ZNF44: variants seen among roughly 807,000 people sequenced by gnomAD.
The protein encoded by ZNF44 is gonadotropin inducible transcription repressor-2.
A neutral mutation model predicts 11.7 loss-of-function variants in ZNF44; 9 were observed. That is an observed-to-expected ratio of 0.77 (90% CI 0.46 to 1.35). The LOEUF (loss-of-function observed/expected upper bound fraction) is 1.35, where lower values mean the gene tolerates loss of function less well. Among genes scored for constraint, ZNF44 ranks in the 40% most tolerant of loss-of-function variants. ZNF44 has a pLI of 0.00. For synonymous variants in ZNF44, 224 were observed against 242.7 expected (o/e 0.92, Z 0.72); for missense variants, 696 against 743.1 (o/e 0.94, Z 0.74).
At chr19:12,250,452 G>A (rs1916944557) in intron 5 of ZNF44, 13 of 1,137,244 alleles carry the variant, frequency 1.1e-5, no homozygotes, top group East Asian at 5.0e-5. Context: ...AGATGTTCAC[G>A]ATGATTCTGT....
intron 1 of ZNF44, chr19:12,293,172 G>C: frequency 6.6e-7 from 1 of 1,509,716 alleles, no homozygotes; most frequent in Non-Finnish European, 8.9e-7. Flanking sequence ...GCCCAGCCCA[G>C]GGGTTAGCTT....
intron 3 of ZNF44, among the ~76,000 whole-genome samples, chr19:12,229,617 AT>A (rs112086092): frequency 0.22 from 32,719 of 145,668 alleles, 5,012 homozygotes; most frequent in African/African-American, 0.45. Flanking sequence ...GAAGAAAGAT[AT>A]TTTTTTTTTT....
chr19:12,293,557 A>T (rs1968107459), intron 1 of ZNF44, among the ~76,000 whole-genome samples: 1 of 152,160 alleles, frequency 6.6e-6, no homozygotes, highest in South Asian at 2.1e-4. Flanking sequence ...AAATCTGTTT[A>T]AAAAGAGCCA....
At chr19:12,228,480 G>T (rs1172004176) in intron 3 of ZNF44, among the ~76,000 whole-genome samples, 3 of 152,152 alleles carry the variant, frequency 2.0e-5, no homozygotes, top group Admixed American at 2.0e-4. Context: ...AGTTGTACAG[G>T]TAAGAGTTAT....
chr19:12,250,247 G>C, exon 6 of ZNF44: 5 of 1,360,804 alleles, frequency 3.7e-6, no homozygotes, highest in Non-Finnish European at 4.9e-6. Context: ...TTTACCTATA[G>C]TGGCCAGGTT....
At chr19:12,261,863 TTGTG>T (rs1285487953) in intron 5 of ZNF44, among the ~76,000 whole-genome samples, 2 of 152,150 alleles carry the variant, frequency 1.3e-5, no homozygotes, top group African/African-American at 2.4e-5. Context: ...TTTTAAACCT[TTGTG>T]TGTATTTTAA....
intron 1 of ZNF44, chr19:12,285,071 G>A (rs2145755841): frequency 1.5e-6 from 1 of 671,404 alleles, no homozygotes; most frequent in Non-Finnish European, 2.7e-6. Context: ...CTGACCTCTG[G>A]AAGGAGACTG....
intron 5 of ZNF44, among the ~76,000 whole-genome samples, chr19:12,259,745 T>C (rs1302804561): frequency 6.6e-6 from 1 of 152,160 alleles, no homozygotes; most frequent in Middle Eastern, 3.2e-3. Flanking sequence ...CAGGTTTAAG[T>C]CAGGTTTGAA....
At chr19:12,236,167 T>C (rs1916379795) in intron 1 of ZNF44, among the ~76,000 whole-genome samples, 2 of 152,178 alleles carry the variant, frequency 1.3e-5, no homozygotes, top group African/African-American at 2.4e-5. Flanking sequence ...GGGGAAGGAA[T>C]TGGAAATTTA....
chr19:12,240,357 A>C (rs553043352), upstream of ZNF44, among the ~76,000 whole-genome samples: 1 of 151,582 alleles, frequency 6.6e-6, no homozygotes, highest in South Asian at 2.1e-4. Context: ...AGGCAGGAGA[A>C]TTACTTGAAC....
exon 8 of ZNF44, chr19:12,248,000 G>C: frequency 7.5e-7 from 1 of 1,341,442 alleles, no homozygotes; most frequent in Non-Finnish European, 9.9e-7. Context: ...TGTGATATAC[G>C]AACACTTTCC....
chr19:12,258,160 C>CAAAA (rs770370872), intron 5 of ZNF44, among the ~76,000 whole-genome samples: 39 of 55,842 alleles, frequency 7.0e-4, no homozygotes, highest in Non-Finnish European at 9.2e-4. Context: ...CTCATCTCTA[C>CAAAA]AAAAAAAAAA....
intron 5 of ZNF44, among the ~76,000 whole-genome samples, chr19:12,265,164 A>G (rs966197653): frequency 6.6e-6 from 1 of 152,072 alleles, no homozygotes; most frequent in African/African-American, 2.4e-5. Context: ...CATGCCCGTA[A>G]TCCCAACATT....
intron 5 of ZNF44, among the ~76,000 whole-genome samples, chr19:12,252,869 T>G (rs1054487441): frequency 6.9e-6 from 1 of 144,418 alleles, no homozygotes. Context: ...ATATGTTGCC[T>G]ACAAGAAACT....
chr19:12,253,678 A>G (rs1008404151), intron 5 of ZNF44, among the ~76,000 whole-genome samples: 7 of 150,892 alleles, frequency 4.6e-5, no homozygotes, highest in African/African-American at 1.7e-4. Context: ...CAGTAGGCAG[A>G]AAAAAAAACA....
At chr19:12,270,351 A>G (rs797021842), downstream of ZNF44, among the ~76,000 whole-genome samples, 11 of 152,150 alleles carry the variant, frequency 7.2e-5, no homozygotes, top group African/African-American at 2.6e-4. Flanking sequence ...TGCTGATGAA[A>G]AAGTGTAAGT....
chr19:12,231,609 T>C (rs2145675106), intron 2 of ZNF44, among the ~76,000 whole-genome samples: 1 of 152,270 alleles, frequency 6.6e-6, no homozygotes, highest in South Asian at 2.1e-4. Context: ...TGAAAGACAA[T>C]TCACAGGAGA....
chr19:12,224,694 C>CAAAG (rs1239116424), downstream of ZNF44: 1 of 151,018 alleles, frequency 6.6e-6, no homozygotes, highest in African/African-American at 2.4e-5. Flanking sequence ...GCTTGACAGT[C>CAAAG]AAAGACAGGT....
At chr19:12,240,444 C>CAA (rs56300338), upstream of ZNF44, among the ~76,000 whole-genome samples, 131 of 102,326 alleles carry the variant, frequency 1.3e-3, no homozygotes, top group African/African-American at 3.6e-3. Flanking sequence ...GATTCTATCT[C>CAA]AAAAAAAAAA....
Sources: allele counts gnomAD v4.1 joint callset (sites outside exome capture counted in the v4.1 genomes callset), GRCh38; gene constraint gnomAD v4.1.1; transcripts MANE v1.5; gene names NCBI Gene and HGNC (gene_info 2026-07-23, HGNC 2026-07-21).